CEP112: variants seen among roughly 807,000 people sequenced by gnomAD.
CEP112 encodes the protein centrosomal protein of 112 kDa.
In CEP112, 127 loss-of-function variants were observed where a neutral mutation model predicts 153.0. The ratio of observed to expected loss-of-function variants is 0.83; its 90% CI spans 0.72 to 0.96. The LOEUF (loss-of-function observed/expected upper bound fraction) is 0.96, where lower values mean the gene tolerates loss of function less well. Ranked by LOEUF, CEP112 falls within the 40% of genes least tolerant of loss-of-function variation. CEP112 has a pLI of 0.00. For missense variants in CEP112, 1,089 were observed against 1,101.2 expected (o/e 0.99, Z 0.16); for synonymous variants, 358 against 374.4 (o/e 0.96, Z 0.51).
intron 23 of CEP112, among the ~76,000 whole-genome samples, chr17:65,699,744 C>G (rs571952607): frequency 1.3e-5 from 2 of 152,168 alleles, no homozygotes; most frequent in African/African-American, 4.8e-5. Flanking sequence ...CTTCCTACAT[C>G]AGCCTCCCAA....
chr17:66,028,652 C>A (rs567002644), intron 14 of CEP112, among the ~76,000 whole-genome samples: 27 of 151,568 alleles, frequency 1.8e-4, no homozygotes, highest in Non-Finnish European at 3.5e-4. Flanking sequence ...AAAATATAAT[C>A]TTTTAAAGTA....
At chr17:65,937,594 G>A (rs1404636758) in intron 18 of CEP112, among the ~76,000 whole-genome samples, 2 of 107,570 alleles carry the variant, frequency 1.9e-5, no homozygotes, top group Non-Finnish European at 3.9e-5. Flanking sequence ...CACCCGGCCA[G>A]CCGCCCCGTC....
intron 16 of CEP112, among the ~76,000 whole-genome samples, chr17:66,024,421 CAA>C (rs2065117477): frequency 6.6e-6 from 1 of 151,964 alleles, no homozygotes; most frequent in African/African-American, 2.4e-5. Flanking sequence ...AAAACCCTAA[CAA>C]TTTCTCCCCC....
intron 21 of CEP112, among the ~76,000 whole-genome samples, chr17:65,843,617 C>T (rs1157650080): frequency 6.6e-6 from 1 of 152,068 alleles, no homozygotes; most frequent in Non-Finnish European, 1.5e-5. Flanking sequence ...CCATATGGAG[C>T]TTTTCTTAAA....
At chr17:66,140,522 A>G (rs2070644624) in intron 4 of CEP112, among the ~76,000 whole-genome samples, 1 of 152,134 alleles carries the variant, frequency 6.6e-6, no homozygotes, top group Admixed American at 6.5e-5. Context: ...AACCCTAAAG[A>G]CTGCATTAAA....
chr17:65,952,684 T>C (rs1437658924), intron 18 of CEP112, among the ~76,000 whole-genome samples: 1 of 152,176 alleles, frequency 6.6e-6, no homozygotes, highest in Non-Finnish European at 1.5e-5. Context: ...TTAAGAAAAT[T>C]GGCAGTTTTC....
intron 21 of CEP112, among the ~76,000 whole-genome samples, chr17:65,818,061 G>C (rs965974314): frequency 2.0e-5 from 3 of 151,766 alleles, no homozygotes; most frequent in African/African-American, 7.2e-5. Context: ...ACGCTGCCCA[G>C]TTTACACTGT....
At chr17:65,662,830 C>T (rs1002870385) in intron 24 of CEP112, among the ~76,000 whole-genome samples, 1 of 152,124 alleles carries the variant, frequency 6.6e-6, no homozygotes, top group Admixed American at 6.5e-5. Context: ...CCAACTTCAT[C>T]TATAAGTGAA....
intron 10 of CEP112, among the ~76,000 whole-genome samples, chr17:66,064,177 A>G (rs1318402773): frequency 6.6e-6 from 1 of 152,218 alleles, no homozygotes; most frequent in African/African-American, 2.4e-5. Flanking sequence ...TTCACGGAGA[A>G]GAAAGAGATT....
chr17:65,808,238 T>C (rs12951482), intron 21 of CEP112, among the ~76,000 whole-genome samples: 49,707 of 152,156 alleles, frequency 0.33, 9,527 homozygotes, highest in Middle Eastern at 0.48. Flanking sequence ...CCTTTTGGAA[T>C]GGCAGCATTT....
intron 23 of CEP112, among the ~76,000 whole-genome samples, chr17:65,728,893 GGCTAT>G (rs1364971380): frequency 6.6e-6 from 1 of 151,946 alleles, no homozygotes; most frequent in African/African-American, 2.4e-5. Flanking sequence ...TCTACACTTA[GGCTAT>G]GCTAAATTTA....
chr17:66,086,517 C>A (rs1200113318), intron 8 of CEP112, among the ~76,000 whole-genome samples: 1 of 149,208 alleles, frequency 6.7e-6, no homozygotes, highest in Non-Finnish European at 1.5e-5. Context: ...CACTCTCCTG[C>A]CTCAGCCTCC....
At chr17:65,772,796 A>G (rs1318843199) in intron 21 of CEP112, among the ~76,000 whole-genome samples, 1 of 152,196 alleles carries the variant, frequency 6.6e-6, no homozygotes, top group Non-Finnish European at 1.5e-5. Flanking sequence ...AATAAGTGTC[A>G]TGAAAGAGAT....
chr17:65,758,858 A>T (rs2052440520), intron 21 of CEP112, among the ~76,000 whole-genome samples: 1 of 152,164 alleles, frequency 6.6e-6, no homozygotes, highest in Non-Finnish European at 1.5e-5. Flanking sequence ...ACCTTCTTGG[A>T]ACACTATTGT....
chr17:65,959,509 T>G (rs1378579190), intron 18 of CEP112, among the ~76,000 whole-genome samples: 1 of 152,194 alleles, frequency 6.6e-6, no homozygotes, highest in Non-Finnish European at 1.5e-5. Flanking sequence ...TGCTCCTTGC[T>G]CGCCTTGTTG....
chr17:65,970,809 G>T lies in CEP112; in HGVS notation c.1737-9211C>A, dbSNP rs199778722. On this transcript the variant is annotated intron_variant, in intron 17 of 26. Coordinates refer to ENST00000535342, the MANE Select transcript of CEP112 (RefSeq NM_001199165.4). ...TAAAATGTATATTGCACATGTGTATGGCGCATGTATATTGCATGCATGCAC... is the reference window on the plus strand; with the variant it reads ...TAAAATGTATATTGCACATGTGTATTGCGCATGTATATTGCATGCATGCAC... Among the ~76,000 whole-genome samples, 2 of 43,696 alleles carry T rather than the reference G, an allele frequency of 4.6e-5. 1 individual carries two copies. 28.7% of individuals were successfully genotyped at this position (43,696 alleles called of 152,430 possible). A position where few individuals can be genotyped will look rare whatever the true frequency, so the allele number is the denominator to read the frequency against.
intron 17 of CEP112, among the ~76,000 whole-genome samples, chr17:65,982,990 T>C (rs995336695): frequency 1.3e-5 from 2 of 152,202 alleles, no homozygotes; most frequent in Admixed American, 6.5e-5. Context: ...ATGATTCCAT[T>C]TCTATGACAT....
intron 23 of CEP112, among the ~76,000 whole-genome samples, chr17:65,731,858 G>A (rs531522180): frequency 4.7e-4 from 71 of 152,222 alleles, no homozygotes; most frequent in African/African-American, 1.4e-3. Context: ...CAATTCGGTC[G>A]CATCTTTAGG....
chr17:66,037,829 G>C (rs1225802817), intron 12 of CEP112, among the ~76,000 whole-genome samples: 1 of 152,032 alleles, frequency 6.6e-6, no homozygotes, highest in Non-Finnish European at 1.5e-5. Flanking sequence ...TTACTGGTTT[G>C]TCAAAAGACT....
Sources: gnomAD v4.1 joint callset for allele counts (sites outside exome capture counted in the v4.1 genomes callset) on GRCh38, gnomAD v4.1.1 for gene constraint, MANE v1.5 for transcripts, NCBI Gene and HGNC (gene_info 2026-07-23, HGNC 2026-07-21) for gene names.